GAD2: variants seen among roughly 807,000 people sequenced by gnomAD.
GAD2 encodes the protein glutamate decarboxylase 2.
A neutral mutation model predicts 80.1 loss-of-function variants in GAD2; 22 were observed. The observed-to-expected ratio is 0.27, with a 90% CI of 0.20 to 0.39. GAD2 has a LOEUF of 0.39. GAD2 is among the 10% of genes least tolerant of loss of function. GAD2 has a pLI of 1.00. For missense variants in GAD2, 624 were observed against 738.4 expected (o/e 0.85, Z 1.80); for synonymous variants, 274 against 256.9 (o/e 1.07, Z -0.64).
chr10:26,266,067 C>T (rs375969516), intron 8 of GAD2, among the ~76,000 whole-genome samples: 10 of 152,214 alleles, frequency 6.6e-5, no homozygotes, highest in African/African-American at 1.9e-4. Flanking sequence ...CCCAGGTCTA[C>T]GTGCATCAGA....
At chr10:26,247,919 G>GA (rs57365924) in intron 8 of GAD2, among the ~76,000 whole-genome samples, 78,454 of 130,778 alleles carry the variant, frequency 0.6, 27,401 homozygotes, top group Non-Finnish European at 0.76. Context: ...AAAAGGAAAA[G>GA]AAAAAAAAAA....
At chr10:26,259,072 C>T (rs113228483) in intron 8 of GAD2, among the ~76,000 whole-genome samples, 1 of 152,218 alleles carries the variant, frequency 6.6e-6, no homozygotes, top group Non-Finnish European at 1.5e-5. Context: ...CCCACCTCAG[C>T]CTCCCAAAGT....
chr10:26,250,588 A>G (rs1399785624), intron 8 of GAD2, among the ~76,000 whole-genome samples: 1 of 152,176 alleles, frequency 6.6e-6, no homozygotes, highest in Non-Finnish European at 1.5e-5. Context: ...AAGGTGGGAA[A>G]AAATAAGGCC....
chr10:26,235,615 A>G (rs1438462594), intron 7 of GAD2, among the ~76,000 whole-genome samples: 1 of 152,244 alleles, frequency 6.6e-6, no homozygotes, highest in East Asian at 1.9e-4. Context: ...GAGAATCACA[A>G]AATCTCAGAA....
intron 4 of GAD2, among the ~76,000 whole-genome samples, chr10:26,221,343 G>A (rs530795424): frequency 2.6e-5 from 4 of 152,278 alleles, no homozygotes; most frequent in African/African-American, 9.6e-5. Flanking sequence ...GAAGGGCAGT[G>A]GGAAAATGAA....
chr10:26,246,008 C>T lies in GAD2; in HGVS notation c.920+8C>T, dbSNP rs2839677. On this transcript the variant is annotated splice_region_variant and intron_variant, in intron 8 of 15. Coordinates refer to ENST00000376261, the MANE Select transcript of GAD2 (RefSeq NM_001134366.2). The stretch of plus-strand genomic sequence containing the variant: ...GATTAAATGTGATGAGAGGTGAGCA[C>T]GCATCGGCAACTCTTGTTGGTTAGC... 0.081 allele frequency: 130,962 copies of T among 1,611,080 alleles called. 5,916 individuals are homozygous for T. Among genetic ancestry groups the T allele is most frequent in the Non-Finnish European group, 0.092 (108,524 of 1,177,560 alleles).
chr10:26,268,116 T>C (rs1049357656), intron 8 of GAD2, among the ~76,000 whole-genome samples: 10 of 152,202 alleles, frequency 6.6e-5, no homozygotes, highest in Non-Finnish European at 1.2e-4. Flanking sequence ...CCTAGATCAA[T>C]GACCCTGATG....
In GAD2 at chr10:26,292,980, C is replaced by A. The variant is rs762107590; in HGVS notation, c.1573C>A (p.Arg525Ser). The A allele has an allele frequency of 5.0e-6, 8 of 1,612,738 alleles. No individual in the cohort carries two copies. The Admixed American group carries it at 8.3e-5, about 17-fold the overall frequency. ...GGAAGACAATGAAGAGAGAATGAGT[C>A]GCCTCTCGAAGGTCAGTGCTCCAAG... ...TLEDNEERMSRLSKVAPVIKA... is the reference protein window; with the variant it reads ...TLEDNEERMSSLSKVAPVIKA... The change falls in exon 15 of 16, where the codon CGC becomes AGC. Residue 525 changes from arginine to serine, a missense_variant. Transcript: ENST00000376261.
At chr10:26,269,041 C>A (rs952559632) in intron 8 of GAD2, 78 bp from the exon 9 acceptor site, 3 of 1,052,840 alleles carry the variant, frequency 2.8e-6, no homozygotes, top group Non-Finnish European at 2.8e-6. Flanking sequence ...TTGGACTTTA[C>A]CCTCCTGCGG....
At chr10:26,268,841 C>A (rs8190706) in intron 8 of GAD2, among the ~76,000 whole-genome samples, 31,253 of 152,126 alleles carry the variant, frequency 0.21, 3,401 homozygotes, top group East Asian at 0.31. Context: ...AAGAGGATGA[C>A]TTAATAAGAA....
chr10:26,273,602 C>T (rs759845924), intron 10 of GAD2, 34 bp from the exon 11 acceptor site: 4 of 1,579,498 alleles, frequency 2.5e-6, no homozygotes. Flanking sequence ...CAATGACAAA[C>T]TGCTACCATT....
intron 7 of GAD2, among the ~76,000 whole-genome samples, chr10:26,236,339 C>T (rs779359544): frequency 1.4e-5 from 2 of 141,486 alleles, no homozygotes; most frequent in Non-Finnish European, 3.0e-5. Context: ...TCACTCTTGT[C>T]GTCCAGGCTG....
intron 7 of GAD2, among the ~76,000 whole-genome samples, chr10:26,240,595 G>C (rs574758550): frequency 6.6e-6 from 1 of 152,144 alleles, no homozygotes; most frequent in South Asian, 2.1e-4. Context: ...AGCCAGGCAT[G>C]GTGGCAGGTA....
At position 26,302,382 on chromosome 10, in the gene GAD2, C is replaced by T. The variant is rs1248477656; in HGVS notation, c.*1421C>T. The T allele has an allele frequency of 1.3e-5, 2 of 151,928 alleles. No homozygotes were observed. The highest frequency in any genetic ancestry group is 2.4e-5 in the African/African-American group (1 of 41,332). The allele number at this position is 151,928 out of a possible 1,614,324, so 9.4% of individuals were successfully genotyped here. A position where few individuals can be genotyped will look rare whatever the true frequency, so the allele number is the denominator to read the frequency against. On this transcript the variant is annotated 3_prime_UTR_variant, in exon 16 of 16. Coordinates refer to ENST00000376261, the MANE Select transcript of GAD2 (RefSeq NM_001134366.2). The stretch of plus-strand genomic sequence containing the variant: ...CAGAATATGCAGAAATAATAAGATC[C>T]TTAGAATTCAAAATAGTATTTTTAA...
chr10:26,298,064 A>G (rs1293394606), intron 15 of GAD2, among the ~76,000 whole-genome samples: 6 of 152,192 alleles, frequency 3.9e-5, no homozygotes, highest in African/African-American at 1.4e-4. Context: ...AAGGTCTGCA[A>G]TTGCTTACCA....
chr10:26,262,418 C>T (rs1446308753), intron 8 of GAD2, among the ~76,000 whole-genome samples: 1 of 151,662 alleles, frequency 6.6e-6, no homozygotes, highest in African/African-American at 2.4e-5. Flanking sequence ...TATCTTTATT[C>T]ATAACATCTC....
chr10:26,266,611 C>T (rs769469280), intron 8 of GAD2, among the ~76,000 whole-genome samples: 3 of 152,118 alleles, frequency 2.0e-5, no homozygotes, highest in Non-Finnish European at 4.4e-5. Flanking sequence ...GGCAGAGTGC[C>T]CAGGAAAAAC....
At chr10:26,277,619 G>C (rs1483444581) in intron 11 of GAD2, among the ~76,000 whole-genome samples, 1 of 152,186 alleles carries the variant, frequency 6.6e-6, no homozygotes, top group Non-Finnish European at 1.5e-5. Context: ...CAGGAAAGAA[G>C]CTGAGTGTGA....
rs11424034 is a variant in GAD2, at chr10:26,262,269, G to GTT, written c.921-6838_921-6837dup. The stretch of plus-strand genomic sequence containing the variant: ...TCTCCCACTTATTTCTTGGTTATTA[G>GTT]TTTTTTTTTTTTTCAATTTTTCTAT... On this transcript the variant is annotated intron_variant, in intron 8 of 15. Transcript: ENST00000376261. Among the ~76,000 whole-genome samples the GTT allele has an allele frequency of 2.2e-3, 296 of 136,110 alleles. 3 individuals are homozygous for GTT. In the East Asian group the frequency reaches 0.026, roughly 12 times the overall value. The allele number at this position is 136,110 out of a possible 152,430, so 89.3% of individuals were successfully genotyped here.
Sources: allele counts gnomAD v4.1 joint callset (sites outside exome capture counted in the v4.1 genomes callset), GRCh38; gene constraint gnomAD v4.1.1; transcripts MANE v1.5; gene names NCBI Gene and HGNC (gene_info 2026-07-23, HGNC 2026-07-21).